PALM2AKAP2: variants seen among roughly 807,000 people sequenced by gnomAD.
The protein encoded by PALM2AKAP2 is PALM2-AKAP2 fusion protein.
PALM2AKAP2 carries 37 observed loss-of-function variants against 71.5 expected under a neutral mutation model. The observed-to-expected ratio is 0.52, with a 90% CI of 0.40 to 0.68. The LOEUF is 0.68. PALM2AKAP2 is among the 30% of genes least tolerant of loss of function. The pLI is 0.00. For missense variants in PALM2AKAP2, 1,224 were observed against 1,191.8 expected (o/e 1.03, Z -0.40); for synonymous variants, 468 against 478.8 (o/e 0.98, Z 0.29).
chr9:110,111,954 A>G (rs1192464782), intron 1 of PALM2AKAP2, among the ~76,000 whole-genome samples: 1 of 151,986 alleles, frequency 6.6e-6, no homozygotes. Flanking sequence ...TCTGCCCTGC[A>G]TGTTGGGGAG....
At chr9:109,982,174 G>T (rs1229212247) in intron 6 of PALM2AKAP2, among the ~76,000 whole-genome samples, 5 of 152,114 alleles carry the variant, frequency 3.3e-5, no homozygotes, top group African/African-American at 1.2e-4. Flanking sequence ...GGAGGTCATT[G>T]TGTTAAGTGA....
intron 1 of PALM2AKAP2, among the ~76,000 whole-genome samples, chr9:109,722,259 G>A (rs77308550): frequency 0.01 from 1,568 of 152,218 alleles, 25 homozygotes; most frequent in African/African-American, 0.035. Context: ...AATGAAAACA[G>A]CTAAAATTTG....
At chr9:110,148,469 G>A (rs1158277581) in intron 2 of PALM2AKAP2, 2 of 152,194 alleles carry the variant, frequency 1.3e-5, no homozygotes. Flanking sequence ...GATGAAAGAA[G>A]AAGGGACCAG....
At chr9:110,150,267 C>T (rs1445973474) in intron 2 of PALM2AKAP2, among the ~76,000 whole-genome samples, 2 of 152,202 alleles carry the variant, frequency 1.3e-5, no homozygotes, top group Non-Finnish European at 2.9e-5. Flanking sequence ...AAAATAAGTG[C>T]GTGTTGTTCA....
At chr9:110,047,947 C>G (rs1346885685), upstream of PALM2AKAP2, among the ~76,000 whole-genome samples, 1 of 152,226 alleles carries the variant, frequency 6.6e-6, no homozygotes, top group Non-Finnish European at 1.5e-5. Context: ...CCCCAGTCTG[C>G]GGATCAGCTG....
upstream of PALM2AKAP2, among the ~76,000 whole-genome samples, chr9:109,777,899 C>T (rs572885443): frequency 3.3e-4 from 51 of 152,252 alleles, no homozygotes; most frequent in African/African-American, 8.2e-4. Context: ...TAGCTGTAAC[C>T]GCAAAGTAGA....
intron 1 of PALM2AKAP2, among the ~76,000 whole-genome samples, chr9:109,656,226 G>T (rs1470785172): frequency 6.6e-6 from 1 of 152,186 alleles, no homozygotes; most frequent in Non-Finnish European, 1.5e-5. Context: ...GAGCTAGAAA[G>T]GGCGCCATGG....
At chr9:110,001,823 A>T (rs1236510324) in intron 6 of PALM2AKAP2, among the ~76,000 whole-genome samples, 1 of 152,010 alleles carries the variant, frequency 6.6e-6, no homozygotes, top group Non-Finnish European at 1.5e-5. Flanking sequence ...TTTGTCTGTT[A>T]TTGGTGTATA....
At chr9:110,102,867 G>A (rs577070924) in intron 1 of PALM2AKAP2, among the ~76,000 whole-genome samples, 22 of 152,008 alleles carry the variant, frequency 1.4e-4, no homozygotes, top group African/African-American at 4.6e-4. Context: ...CCTAGCCACC[G>A]AAGCCAGTGA....
At chr9:109,717,056 C>T (rs1432914325) in intron 1 of PALM2AKAP2, among the ~76,000 whole-genome samples, 1 of 151,964 alleles carries the variant, frequency 6.6e-6, no homozygotes, top group Non-Finnish European at 1.5e-5. Flanking sequence ...ATGTGGCAGG[C>T]TGGTTGTGGG....
At chr9:109,756,317 T>C (rs1333869910) in intron 1 of PALM2AKAP2, among the ~76,000 whole-genome samples, 1 of 152,208 alleles carries the variant, frequency 6.6e-6, no homozygotes, top group Non-Finnish European at 1.5e-5. Flanking sequence ...CTGTTTGCCA[T>C]AGGTATTTAT....
chr9:110,091,459 CTTTTTTTTTTTTT>C (rs66848294), intron 1 of PALM2AKAP2, among the ~76,000 whole-genome samples: 1 of 83,656 alleles, frequency 1.2e-5, no homozygotes, highest in African/African-American at 5.2e-5. Flanking sequence ...GAGATTTATT[CTTTTTTTTTTTTT>C]TTTTTTTTGA....
intron 3 of PALM2AKAP2, among the ~76,000 whole-genome samples, chr9:109,896,769 C>A (rs1830212901): frequency 6.6e-6 from 1 of 152,110 alleles, no homozygotes; most frequent in Non-Finnish European, 1.5e-5. Context: ...TATGATCATG[C>A]CAGTGCACTC....
chr9:109,702,224 A>C (rs1828071888), intron 1 of PALM2AKAP2, among the ~76,000 whole-genome samples: 1 of 152,180 alleles, frequency 6.6e-6, no homozygotes, highest in Non-Finnish European at 1.5e-5. Context: ...CATTTGACCC[A>C]GCCATCCCAT....
intron 6 of PALM2AKAP2, among the ~76,000 whole-genome samples, chr9:110,001,450 C>G (rs9695246): frequency 1.3e-5 from 2 of 152,004 alleles, no homozygotes; most frequent in Admixed American, 6.6e-5. Context: ...GGTAGCGTGA[C>G]GCCTCCAGCT....
intron 1 of PALM2AKAP2, among the ~76,000 whole-genome samples, chr9:109,752,999 T>C (rs1828906978): frequency 6.6e-6 from 1 of 152,174 alleles, no homozygotes; most frequent in Admixed American, 6.6e-5. Flanking sequence ...CTGCCTGTTT[T>C]CTGGCTTTAG....
chr9:109,807,507 T>G (rs1194894798), intron 1 of PALM2AKAP2, among the ~76,000 whole-genome samples: 3 of 151,922 alleles, frequency 2.0e-5, no homozygotes, highest in African/African-American at 7.3e-5. Flanking sequence ...AGATGGAACC[T>G]TCTATATATA....
intron 1 of PALM2AKAP2, among the ~76,000 whole-genome samples, chr9:109,791,520 G>A (rs906918134): frequency 3.9e-5 from 6 of 151,942 alleles, no homozygotes; most frequent in Non-Finnish European, 8.8e-5. Flanking sequence ...GGGAGATAGG[G>A]CACCCCAGGC....
At chr9:109,931,037 C>G (rs1039287591) in intron 5 of PALM2AKAP2, among the ~76,000 whole-genome samples, 1 of 152,186 alleles carries the variant, frequency 6.6e-6, no homozygotes, top group Non-Finnish European at 1.5e-5. Flanking sequence ...GTGATATGGT[C>G]GTGATGCAAG....
Sources: allele counts gnomAD v4.1 joint callset (sites outside exome capture counted in the v4.1 genomes callset), GRCh38; gene constraint gnomAD v4.1.1; transcripts MANE v1.5; gene names NCBI Gene and HGNC (gene_info 2026-07-23, HGNC 2026-07-21).